Variants in OR2L13 observed in about 807,000 individuals in gnomAD.
OR2L13 encodes the protein olfactory receptor 2L13.
A neutral mutation model predicts 15.3 loss-of-function variants in OR2L13; 14 were observed. The observed-to-expected ratio is 0.91, with a 90% CI of 0.60 to 1.43. OR2L13 has a LOEUF of 1.43. OR2L13 is among the 40% of genes most tolerant of loss of function. OR2L13 has a pLI of 0.00. For synonymous variants in OR2L13, 152 were observed against 142.9 expected (o/e 1.06, Z -0.45); for missense variants, 367 against 387.9 (o/e 0.95, Z 0.45).
At chr1:248,022,890 T>TA in the OR2L13 span, 3 of 1,598,104 alleles carry the variant, frequency 1.9e-6, no homozygotes, top group Non-Finnish European at 8.5e-7. Context: ...AATGTAGACA[T>TA]ACGTTCTGTG....
At chr1:248,010,763 G>GTTGTTTTTTT in the OR2L13 span, among the ~76,000 whole-genome samples, 1 of 44,462 alleles carries the variant, frequency 2.2e-5, no homozygotes. Context: ...CTTTGTTGTT[G>GTTGTTTTTTT]TTTTTTTTTT....
chr1:247,965,938 G>A, the OR2L13 span: 974,305 of 1,608,454 alleles, frequency 0.61, 304,847 homozygotes, highest in Non-Finnish European at 0.65. Flanking sequence ...ACTATCATTG[G>A]TGTGTCAGGA....
the OR2L13 span, among the ~76,000 whole-genome samples, chr1:247,968,057 A>G: frequency 0.11 from 17,120 of 152,124 alleles, 1,391 homozygotes; most frequent in African/African-American, 0.23. Context: ...TACAGAAAGT[A>G]GAAAGGAGAA....
At chr1:248,046,071 T>C in the OR2L13 span, among the ~76,000 whole-genome samples, 1 of 152,102 alleles carries the variant, frequency 6.6e-6, no homozygotes, top group East Asian at 1.9e-4. Context: ...CTATAAACAG[T>C]AAGAAATTCG....
the OR2L13 span, chr1:248,083,983 G>A: frequency 6.2e-7 from 1 of 1,611,544 alleles, no homozygotes; most frequent in Non-Finnish European, 8.5e-7. Flanking sequence ...GGGACCAGGA[G>A]CATTAACACA....
chr1:248,020,722 A>G, the OR2L13 span, among the ~76,000 whole-genome samples: 1 of 152,096 alleles, frequency 6.6e-6, no homozygotes, highest in African/African-American at 2.4e-5. Flanking sequence ...GAACCAAATA[A>G]TGATGTCTGA....
intron 2 of OR2L13, 83 bp from the exon 3 acceptor site, chr1:248,099,275 T>C: frequency 1.3e-6 from 1 of 798,008 alleles, no homozygotes; most frequent in Non-Finnish European, 2.0e-6. Flanking sequence ...CAAACATTGA[T>C]AAAGTCAGTT....
chr1:247,992,529 C>T, the OR2L13 span, among the ~76,000 whole-genome samples: 1 of 152,076 alleles, frequency 6.6e-6, no homozygotes, highest in African/African-American at 2.4e-5. Flanking sequence ...TAATCCCATC[C>T]CCTCCCTCTA....
chr1:248,003,007 T>C, the OR2L13 span: 6 of 638,382 alleles, frequency 9.4e-6, no homozygotes, highest in African/African-American at 9.1e-5. Context: ...GTAGGCTATT[T>C]ATTATAGCCT....
chr1:248,091,372 G>A (rs1664593224), upstream of OR2L13, among the ~76,000 whole-genome samples: 1 of 151,936 alleles, frequency 6.6e-6, no homozygotes, highest in African/African-American at 2.4e-5. Flanking sequence ...CCTATGTCCA[G>A]AATGACATTT....
At chr1:248,018,677 C>CTT in the OR2L13 span, among the ~76,000 whole-genome samples, 6 of 152,138 alleles carry the variant, frequency 3.9e-5, no homozygotes, top group Non-Finnish European at 7.4e-5. Flanking sequence ...CATTTTAACT[C>CTT]TTTTAAGTGT....
At chr1:247,965,839 A>C in the OR2L13 span, 1 of 1,613,450 alleles carries the variant, frequency 6.2e-7, no homozygotes, top group Non-Finnish European at 8.5e-7. Flanking sequence ...TGGTTCTATC[A>C]ATGCTTTCAT....
chr1:247,943,821 T>C, the OR2L13 span, among the ~76,000 whole-genome samples: 1 of 152,198 alleles, frequency 6.6e-6, no homozygotes, highest in Admixed American at 6.5e-5. Flanking sequence ...TTTTTTCTCT[T>C]ACATTTAGAT....
chr1:248,013,855 T>A, the OR2L13 span: 1 of 152,182 alleles, frequency 6.6e-6, no homozygotes, highest in Non-Finnish European at 1.5e-5. Context: ...CACTAGTAAT[T>A]GTACTTTCTG....
At chr1:248,002,996 G>T in the OR2L13 span, 1 of 606,258 alleles carries the variant, frequency 1.6e-6, no homozygotes, top group South Asian at 1.9e-5. Context: ...TTCTTTGGTT[G>T]GTAGGCTATT....
chr1:247,949,339 A>G, the OR2L13 span: 4 of 1,614,178 alleles, frequency 2.5e-6, no homozygotes, highest in East Asian at 2.2e-5. Flanking sequence ...CACACTGTAT[A>G]TGTACTCCAT....
At chr1:247,970,226 C>T in the OR2L13 span, among the ~76,000 whole-genome samples, 1 of 152,076 alleles carries the variant, frequency 6.6e-6, no homozygotes, top group African/African-American at 2.4e-5. Context: ...TATAGTCTCT[C>T]ATATACATTT....
the OR2L13 span, chr1:248,004,191 A>T: frequency 1.3e-6 from 1 of 783,616 alleles, no homozygotes; most frequent in Non-Finnish European, 1.9e-6. Context: ...AAGAAAAAAA[A>T]ATCACTGATT....
chr1:247,985,446 C>T, the OR2L13 span, among the ~76,000 whole-genome samples: 5,898 of 152,136 alleles, frequency 0.039, 351 homozygotes, highest in African/African-American at 0.13. Flanking sequence ...GAACTCATCA[C>T]TTTTATGGCT....
Sources: gnomAD v4.1 joint callset for allele counts (sites outside exome capture counted in the v4.1 genomes callset) on GRCh38, gnomAD v4.1.1 for gene constraint, MANE v1.5 for transcripts, NCBI Gene and HGNC (gene_info 2026-07-23, HGNC 2026-07-21) for gene names.